MGA: variants seen among roughly 807,000 people sequenced by gnomAD.
MGA encodes MAX dimerization protein MGA, also known as MAX gene-associated protein.
MGA carries 40 observed loss-of-function variants against 261.1 expected under a neutral mutation model. That is an observed-to-expected ratio of 0.15 (90% CI 0.12 to 0.20). The LOEUF (loss-of-function observed/expected upper bound fraction) is 0.20. Among genes scored for constraint, MGA ranks in the 10% least tolerant of loss-of-function variants. MGA has a pLI of 1.00. For synonymous variants in MGA, 1,302 were observed against 1,290.6 expected (o/e 1.01, Z -0.19); for missense variants, 3,397 against 3,630.5 (o/e 0.94, Z 1.65).
chr15:41,657,230 G>C, upstream of MGA, among the ~76,000 whole-genome samples: 1 of 151,758 alleles, frequency 6.6e-6, no homozygotes, highest in Non-Finnish European at 1.5e-5. Context: ...CCCCCAGCAT[G>C]ACTTGATTTC....
chr15:41,716,222 C>A (rs537568401), intron 9 of MGA, among the ~76,000 whole-genome samples: 1 of 151,442 alleles, frequency 6.6e-6, no homozygotes, highest in South Asian at 2.1e-4. Flanking sequence ...CTGAGGCGGG[C>A]AGATCACGAG....
intron 1 of MGA, among the ~76,000 whole-genome samples, chr15:41,633,423 G>T (rs1178781524): frequency 6.9e-6 from 1 of 145,778 alleles, no homozygotes; most frequent in Non-Finnish European, 1.5e-5. Context: ...GTGCAGTCTT[G>T]GTTCACTGCA....
Position 41,727,358 on chromosome 15 carries a change from C to T in MGA, c.3609C>T (p.Leu1203=). Residue 1203 remains leucine (L), a synonymous_variant, in exon 10 of 24, where the codon CTC becomes CTT. Coordinates refer to ENST00000219905, the MANE Select transcript of MGA (RefSeq NM_001164273.2). Reference sequence around the variant, plus strand: ...CTCCTACTGTGAAGGGCAAACTGCTCACTGGAATTAAATCTCCACGGTCAT... The same window carrying T: ...CTCCTACTGTGAAGGGCAAACTGCTTACTGGAATTAAATCTCCACGGTCAT... 6.2e-7 allele frequency: 1 copy of T among 1,613,978 alleles called. No individual in the cohort carries two copies. Among genetic ancestry groups the T allele is most frequent in the Non-Finnish European group, 8.5e-7 (1 of 1,179,870 alleles).
At chr15:41,751,490 G>C (rs1322505323) in intron 17 of MGA, 1 of 152,114 alleles carries the variant, frequency 6.6e-6, no homozygotes, top group African/African-American at 2.4e-5. Context: ...TTGGGAGGCC[G>C]AGGTGGGTGG....
chr15:41,740,044 A>G lies in MGA; in HGVS notation c.4435-9A>G, dbSNP rs1264338523. 28 of 1,613,900 alleles carry G rather than the reference A, an allele frequency of 1.7e-5. No homozygotes were observed. The highest frequency in any genetic ancestry group is 2.3e-5 in the Non-Finnish European group (27 of 1,179,904). The stretch of plus-strand genomic sequence containing the variant: ...GGACCTCTCAACCCTCAGTACTGTC[A>G]TCTCCAAGGTAGCATCCAATGCCAA... On this transcript the variant is annotated splice_polypyrimidine_tract_variant and intron_variant, in intron 13 of 23. Coordinates refer to ENST00000219905, the MANE Select transcript of MGA (RefSeq NM_001164273.2).
intron 1 of MGA, among the ~76,000 whole-genome samples, chr15:41,666,060 ATT>A (rs11428325): frequency 1.4e-5 from 2 of 138,816 alleles, no homozygotes; most frequent in Admixed American, 7.2e-5. Context: ...CATACCTGCT[ATT>A]TTTTTTTTTT....
In MGA at chr15:41,743,024, T is replaced by C. The variant is rs778990264; in HGVS notation, c.5064T>C (p.Leu1688=). The C allele has an allele frequency of 5.0e-6, 8 of 1,613,878 alleles. No homozygotes were observed. Among genetic ancestry groups the C allele is most frequent in the Non-Finnish European group, 6.8e-6 (8 of 1,179,908 alleles). ...TAGCATCTCCTTCAACCATAACTCT[T>C]CCTGTTGCTTCCACTGCTTCCACCT... The change falls in exon 15 of 24, where the codon CTT becomes CTC. Residue 1688 remains leucine, a synonymous_variant. Transcript: ENST00000219905.
intron 1 of MGA, among the ~76,000 whole-genome samples, chr15:41,639,573 C>G (rs1424198858): frequency 6.6e-6 from 1 of 150,426 alleles, no homozygotes; most frequent in East Asian, 2.0e-4. Context: ...TAGATGGAGT[C>G]TCGCTCTGTC....
intron 1 of MGA, among the ~76,000 whole-genome samples, chr15:41,625,227 T>C (rs1415071489): frequency 6.6e-6 from 1 of 152,170 alleles, no homozygotes; most frequent in Non-Finnish European, 1.5e-5. Context: ...GATACAGTTA[T>C]TACAAAAAAC....
At chr15:41,726,435 A>T (rs1426635192) in intron 9 of MGA, among the ~76,000 whole-genome samples, 1 of 152,192 alleles carries the variant, frequency 6.6e-6, no homozygotes, top group African/African-American at 2.4e-5. Context: ...TGTGGTTAAA[A>T]GTTATCTTTT....
At chr15:41,734,695 T>G in intron 12 of MGA, 101 bp downstream of exon 12, 1 of 880,796 alleles carries the variant, frequency 1.1e-6, no homozygotes, top group East Asian at 2.9e-5. Context: ...AGAATATGTC[T>G]GCCTACCCTG....
chr15:41,727,562 C>A (rs1178914400), intron 10 of MGA, among the ~76,000 whole-genome samples, 156 bp downstream of exon 10: 3 of 152,110 alleles, frequency 2.0e-5, no homozygotes, highest in Non-Finnish European at 2.9e-5. Flanking sequence ...CAGTTTAGTG[C>A]TGGCACTTTA....
intron 1 of MGA, among the ~76,000 whole-genome samples, chr15:41,661,269 C>T (rs1019313131): frequency 3.3e-5 from 5 of 151,620 alleles, no homozygotes; most frequent in Admixed American, 2.0e-4. Context: ...ATGGGGTTTC[C>T]CGTTTCTGTT....
intron 8 of MGA, 98 bp downstream of exon 8, chr15:41,711,447 C>A: frequency 1.6e-6 from 2 of 1,275,772 alleles, no homozygotes; most frequent in South Asian, 3.1e-5. Context: ...GCAGGGTGAT[C>A]AGCTAGTTTT....
At position 41,748,928 on chromosome 15, in the gene MGA, G is replaced by A. The variant is rs763454876; in HGVS notation, c.5503+1G>A. On this transcript the variant is annotated splice_donor_variant, in intron 16 of 23. Coordinates refer to ENST00000219905, the MANE Select transcript of MGA (RefSeq NM_001164273.2). LOFTEE classifies it high-confidence loss of function. ...CAGCCTGTCATGTTTCGGAACCCAG[G>A]TATAAAGTTCTTTTTTATGAACTTT... is the stretch of plus-strand genomic sequence containing the variant. 1 of 1,611,424 alleles carries A rather than the reference G, an allele frequency of 6.2e-7. No homozygotes were observed.
intron 2 of MGA, among the ~76,000 whole-genome samples, chr15:41,674,952 C>CT (rs915748168): frequency 4.6e-5 from 7 of 152,092 alleles, no homozygotes; most frequent in East Asian, 1.9e-4. Context: ...AAATCCTCCC[C>CT]TTTTTTTTGC....
intron 20 of MGA, 37 bp downstream of exon 20, chr15:41,760,566 TAAG>T (rs2063394433): frequency 1.3e-6 from 2 of 1,584,792 alleles, no homozygotes; most frequent in Non-Finnish European, 1.7e-6. Flanking sequence ...AGAGCTTGAC[TAAG>T]AGATTCTTAC....
chr15:41,722,144 T>G (rs2060976549), intron 9 of MGA, among the ~76,000 whole-genome samples: 1 of 147,276 alleles, frequency 6.8e-6, no homozygotes, highest in South Asian at 2.2e-4. Flanking sequence ...TTTTTTTTTT[T>G]TTTGAGACGG....
chr15:41,686,649 A>T (rs575948529), intron 2 of MGA, among the ~76,000 whole-genome samples: 1 of 152,100 alleles, frequency 6.6e-6, no homozygotes, highest in Non-Finnish European at 1.5e-5. Flanking sequence ...ATGTTGAAAT[A>T]CTTTCCTACT....
Sources: gnomAD v4.1 joint callset for allele counts (sites outside exome capture counted in the v4.1 genomes callset) on GRCh38, gnomAD v4.1.1 for gene constraint, MANE v1.5 for transcripts, NCBI Gene and HGNC (gene_info 2026-07-23, HGNC 2026-07-21) for gene names.